Variants in BICC1 observed in about 807,000 individuals in gnomAD.
BICC1 encodes the protein protein bicaudal C homolog 1.
In BICC1, 43 loss-of-function variants were observed where a neutral mutation model predicts 111.0. The ratio of observed to expected loss-of-function variants is 0.39; its 90% confidence interval spans 0.30 to 0.50. The LOEUF (loss-of-function observed/expected upper bound fraction) is 0.50. Among genes scored for constraint, BICC1 ranks in the 20% least tolerant of loss-of-function variants. The pLI is 0.88. For synonymous variants in BICC1, 467 were observed against 434.4 expected (o/e 1.07, Z -0.93); for missense variants, 1,091 against 1,203.2 (o/e 0.91, Z 1.38).
intron 1 of BICC1, among the ~76,000 whole-genome samples, chr10:58,576,435 C>G (rs1418183433): frequency 6.6e-6 from 1 of 152,166 alleles, no homozygotes; most frequent in Non-Finnish European, 1.5e-5. Flanking sequence ...CTGTATCATT[C>G]TGTATTATCT....
chr10:58,715,924 G>T (rs142136761), intron 3 of BICC1: 31,323 of 1,307,888 alleles, frequency 0.024, 473 homozygotes, highest in Non-Finnish European at 0.028. Context: ...TGAAGATGAG[G>T]ATAAGAAACA....
intron 3 of BICC1, among the ~76,000 whole-genome samples, chr10:58,710,701 A>G (rs1452259623): frequency 1.3e-5 from 2 of 152,050 alleles, no homozygotes; most frequent in Non-Finnish European, 2.9e-5. Context: ...TATGTTATAA[A>G]TTGCTTGTTG....
intron 2 of BICC1, among the ~76,000 whole-genome samples, chr10:58,665,160 G>A (rs1221012105): frequency 6.6e-6 from 1 of 152,062 alleles, no homozygotes; most frequent in East Asian, 1.9e-4. Context: ...TCACTTCCCA[G>A]CCTCAGTTTT....
At chr10:58,605,935 T>G (rs1845196243) in intron 1 of BICC1, among the ~76,000 whole-genome samples, 1 of 152,246 alleles carries the variant, frequency 6.6e-6, no homozygotes, top group Non-Finnish European at 1.5e-5. Context: ...GGTAATTGCC[T>G]TGTTCTTTTC....
chr10:58,753,670 G>T (rs1243597387), intron 3 of BICC1, among the ~76,000 whole-genome samples: 3 of 151,502 alleles, frequency 2.0e-5, no homozygotes, highest in Non-Finnish European at 4.4e-5. Flanking sequence ...TGTTAGCTAA[G>T]TTGGAAAACA....
intron 1 of BICC1, among the ~76,000 whole-genome samples, chr10:58,606,825 C>T (rs548861998): frequency 1.2e-4 from 19 of 152,166 alleles, no homozygotes; most frequent in African/African-American, 4.3e-4. Context: ...TGGACATTTT[C>T]TAGTATATTT....
intron 3 of BICC1, among the ~76,000 whole-genome samples, chr10:58,718,749 T>C (rs1840829789): frequency 6.7e-6 from 1 of 149,444 alleles, no homozygotes; most frequent in South Asian, 2.1e-4. Flanking sequence ...GAAATGTGTG[T>C]GTGTGTGTGT....
At chr10:58,551,883 A>ACT (rs1366024153) in intron 1 of BICC1, among the ~76,000 whole-genome samples, 13 of 152,150 alleles carry the variant, frequency 8.5e-5, no homozygotes, top group Non-Finnish European at 1.9e-4. Context: ...ACAGATGTTT[A>ACT]GTGCAAGGAA....
At chr10:58,581,619 C>G (rs1222716868) in intron 1 of BICC1, among the ~76,000 whole-genome samples, 1 of 152,156 alleles carries the variant, frequency 6.6e-6, no homozygotes, top group Non-Finnish European at 1.5e-5. Flanking sequence ...ATACTGTAGT[C>G]TTAGTTAACA....
chr10:58,729,039 G>A (rs1040408397), intron 3 of BICC1, among the ~76,000 whole-genome samples: 1 of 152,146 alleles, frequency 6.6e-6, no homozygotes, highest in African/African-American at 2.4e-5. Flanking sequence ...AGGATTCTGG[G>A]ATTTTGGGAA....
chr10:58,569,351 A>G (rs959695523), intron 1 of BICC1, among the ~76,000 whole-genome samples: 1 of 152,160 alleles, frequency 6.6e-6, no homozygotes, highest in African/African-American at 2.4e-5. Flanking sequence ...CAAGGAATAT[A>G]TGTACATGCC....
At chr10:58,617,911 CA>C (rs1241132383) in intron 1 of BICC1, among the ~76,000 whole-genome samples, 1 of 152,276 alleles carries the variant, frequency 6.6e-6, no homozygotes, top group Non-Finnish European at 1.5e-5. Context: ...GCTAAATGTA[CA>C]AAGCAACATT....
chr10:58,776,875 G>A (rs1252876053), intron 3 of BICC1, among the ~76,000 whole-genome samples: 1 of 152,106 alleles, frequency 6.6e-6, no homozygotes, highest in African/African-American at 2.4e-5. Flanking sequence ...CCAAGAGGCT[G>A]CGGGAAACTA....
At chr10:58,701,763 T>C (rs1490656172) in intron 2 of BICC1, among the ~76,000 whole-genome samples, 1 of 152,244 alleles carries the variant, frequency 6.6e-6, no homozygotes, top group Non-Finnish European at 1.5e-5. Context: ...CTGATGGTTC[T>C]GGCATCAAGT....
chr10:58,513,163 C>A lies in BICC1; in HGVS notation c.20C>A (p.Pro7His). MAAQGE[P>H]GYLAAQSDPG... ...CCCACCATGGCCGCCCAGGGAGAGC[C>A]CGGCTACCTGGCGGCGCAGTCGGAC... The change falls in exon 1 of 21, where the codon CCC (proline) becomes CAC (histidine). Residue 7 changes from proline (P) to histidine (H), a missense_variant. Pro to His is a moderately conservative substitution (Grantham distance 77, BLOSUM62 -2). Transcript: ENST00000373886. 4.5e-6 allele frequency: 7 copies of A among 1,554,988 alleles called. No individual in the cohort carries two copies. Among genetic ancestry groups the A allele is most frequent in the Non-Finnish European group, 5.2e-6 (6 of 1,153,228 alleles).
At chr10:58,814,039 T>C in intron 18 of BICC1, 53 bp downstream of exon 18, 1 of 1,602,080 alleles carries the variant, frequency 6.2e-7, no homozygotes. Flanking sequence ...TAGAATGTGT[T>C]TATTTGGGTT....
chr10:58,820,320 AAAAT>A (rs1844217461), intron 19 of BICC1, 45 bp from the exon 20 acceptor site: 1 of 1,287,210 alleles, frequency 7.8e-7, no homozygotes, highest in African/African-American at 1.5e-5. Context: ...AGTGGGAAAG[AAAAT>A]AAGTAATTAA....
intron 1 of BICC1, among the ~76,000 whole-genome samples, chr10:58,583,574 T>TTCTC (rs370334520): frequency 9.0e-4 from 123 of 137,204 alleles, no homozygotes; most frequent in African/African-American, 2.8e-3. Context: ...CTGAGTAGTA[T>TTCTC]TCTCTCTCTC....
chr10:58,542,869 A>T, intron 1 of BICC1, among the ~76,000 whole-genome samples: 1 of 152,152 alleles, frequency 6.6e-6, no homozygotes, highest in East Asian at 1.9e-4. Context: ...AACTGAAAAA[A>T]ACAAGTGTTG....
Sources: allele counts gnomAD v4.1 joint callset (sites outside exome capture counted in the v4.1 genomes callset), GRCh38; gene constraint gnomAD v4.1.1; transcripts MANE v1.5; gene names NCBI Gene and HGNC (gene_info 2026-07-23, HGNC 2026-07-21).